The following DOCK1 variants were observed in gnomAD, a reference collection of about 807,000 sequenced individuals.
DOCK1 encodes dedicator of cytokinesis protein 1.
Under a neutral mutation model 262.7 loss-of-function variants are expected in DOCK1, and 138 were observed. The observed-to-expected ratio is 0.53, with a 90% CI of 0.46 to 0.61. DOCK1 has a LOEUF of 0.61. Among genes scored for constraint, DOCK1 ranks in the 20% least tolerant of loss-of-function variants. The pLI, the probability that DOCK1 is intolerant of heterozygous loss-of-function variation, is 0.00. For synonymous variants in DOCK1, 866 were observed against 867.4 expected (o/e 1.00, Z 0.03); for missense variants, 1,908 against 2,370.7 (o/e 0.80, Z 4.05).
rs1299449470 is a variant in DOCK1, at chr10:127,032,796, A to G, written c.1912+476A>G. 2.6e-5 allele frequency among the ~76,000 whole-genome samples: 4 copies of G among 152,152 alleles called. No individual in the cohort carries two copies. In the East Asian group the frequency reaches 7.7e-4, roughly 29 times the overall value. On this transcript the variant is annotated intron_variant, in intron 18 of 51. Transcript: ENST00000623213. Reference sequence around the variant, plus strand: ...ATTCCCAAACTCCTGGGTTCAGGCAAACCTCCCGCCTCGGTCTCCCAGAGT... The same window carrying G: ...ATTCCCAAACTCCTGGGTTCAGGCAGACCTCCCGCCTCGGTCTCCCAGAGT...
chr10:127,020,261 A>T (rs184120054), intron 13 of DOCK1, among the ~76,000 whole-genome samples: 115 of 152,332 alleles, frequency 7.5e-4, no homozygotes, highest in Admixed American at 1.7e-3. Flanking sequence ...TTTGAGATAC[A>T]GATTTATAAA....
chr10:127,146,013 C>T lies in DOCK1; in HGVS notation c.2847+18249C>T, dbSNP rs971863976. 5.8e-6 allele frequency: 3 copies of T among 517,826 alleles called. No individual in the cohort carries two copies. In the Admixed American group the frequency reaches 5.8e-5, roughly 10 times the overall value. The allele number at this position is 517,826 out of a possible 1,614,324, so 32.1% of individuals were successfully genotyped here. On this transcript the variant is annotated intron_variant, in intron 27 of 51. Coordinates refer to ENST00000623213, the MANE Select transcript of DOCK1 (RefSeq NM_001290223.2). The stretch of plus-strand genomic sequence containing the variant: ...CCGCACCCTGAATTCCCTAGTCACT[C>T]TATTCCCCATGGAATTTCATACGAC...
rs1200314675 is a variant in DOCK1, at chr10:127,075,181, A to AG, written c.2445+13405_2445+13406insG. Among the ~76,000 whole-genome samples the AG allele has an allele frequency of 6.5e-3, 970 of 149,282 alleles. 12 individuals carry two copies. Among genetic ancestry groups the AG allele is most frequent in the Non-Finnish European group, 9.6e-3 (647 of 67,266 alleles). On this transcript the variant is annotated intron_variant, in intron 23 of 51. Transcript: ENST00000623213. ...CGAAACTCTGTCTCAAAAAAAAAAA[A>AG]AAAAAAAAAAAAAAAAAAGGAGAGT...
intron 29 of DOCK1, among the ~76,000 whole-genome samples, chr10:127,258,419 T>C (rs1248814555): frequency 6.6e-6 from 1 of 152,242 alleles, no homozygotes; most frequent in African/African-American, 2.4e-5. Flanking sequence ...AGCATGGCTG[T>C]TTTCACTTTG....
intron 29 of DOCK1, among the ~76,000 whole-genome samples, chr10:127,316,196 A>C (rs1473844950): frequency 1.3e-5 from 2 of 152,128 alleles, no homozygotes; most frequent in Non-Finnish European, 2.9e-5. Flanking sequence ...TCACGTAGCA[A>C]ATTTCCAGCA....
chr10:127,109,535 G>T (rs1347488984), intron 24 of DOCK1, among the ~76,000 whole-genome samples: 1 of 152,114 alleles, frequency 6.6e-6, no homozygotes, highest in Non-Finnish European at 1.5e-5. Context: ...TCCATTTCTG[G>T]TCATTTTTCC....
At chr10:126,953,198 GGTA>G (rs1340614278) in intron 1 of DOCK1, among the ~76,000 whole-genome samples, 6 of 151,724 alleles carry the variant, frequency 4.0e-5, no homozygotes, top group South Asian at 4.2e-4. Context: ...CAGTGGAGGT[GGTA>G]GTGGTGGTAG....
At chr10:127,372,301 A>G (rs2065250476) in intron 33 of DOCK1, among the ~76,000 whole-genome samples, 1 of 152,102 alleles carries the variant, frequency 6.6e-6, no homozygotes, top group African/African-American at 2.4e-5. Flanking sequence ...ATTGCTTCTC[A>G]GGGGTCCACA....
In DOCK1 at chr10:127,179,189, G is replaced by A. The variant is rs182233211; in HGVS notation, c.2847+51425G>A. 6.3e-4 allele frequency among the ~76,000 whole-genome samples: 96 copies of A among 152,314 alleles called. 1 individual carries two copies. Among genetic ancestry groups the A allele is most frequent in the African/African-American group, 2.1e-3 (89 of 41,572 alleles). On this transcript the variant is annotated intron_variant, in intron 27 of 51. Transcript: ENST00000623213. ...ATCACCATTTGCTAGGGACTGCACTGAAATAATTTTCTTACATCAGTTGGC... is the reference window on the plus strand; with the variant it reads ...ATCACCATTTGCTAGGGACTGCACTAAAATAATTTTCTTACATCAGTTGGC...
chr10:127,292,664 A>T lies in DOCK1; in HGVS notation c.3044+35235A>T, dbSNP rs185124473. 2.9e-3 allele frequency among the ~76,000 whole-genome samples: 443 copies of T among 152,254 alleles called. 4 individuals are homozygous for T. Among genetic ancestry groups the T allele is most frequent in the Non-Finnish European group, 5.2e-3 (357 of 68,032 alleles). ...GATGCACTGTTGCTTACATCTTTGT[A>T]TGCTTTTGCATTCCTGCTGATTGAT... On this transcript the variant is annotated intron_variant, in intron 29 of 51. Transcript: ENST00000623213.
chr10:126,939,030 G>A (rs980539009), intron 1 of DOCK1, among the ~76,000 whole-genome samples: 1 of 120,100 alleles, frequency 8.3e-6, no homozygotes, highest in Non-Finnish European at 1.7e-5. Context: ...ACACCTGAAG[G>A]GATGAACACG....
rs534981845 is a variant in DOCK1, at chr10:127,229,030, C to T, written c.2848-18978C>T. 2.6e-5 allele frequency among the ~76,000 whole-genome samples: 4 copies of T among 152,128 alleles called. No homozygotes were observed. In the East Asian group the frequency reaches 5.8e-4, roughly 22 times the overall value. The stretch of plus-strand genomic sequence containing the variant: ...GGTGGATCACCTGAGGTCAGGAGTT[C>T]GTGAGCAGCCTGGCCAACATGGTGA... On this transcript the variant is annotated intron_variant, in intron 27 of 51. Transcript: ENST00000623213.
At chr10:127,046,973 C>G (rs1486027039) in intron 21 of DOCK1, among the ~76,000 whole-genome samples, 1 of 152,010 alleles carries the variant, frequency 6.6e-6, no homozygotes, top group Non-Finnish European at 1.5e-5. Context: ...TTTCATGTGG[C>G]TTTTAAAAAG....
intron 29 of DOCK1, among the ~76,000 whole-genome samples, chr10:127,271,026 T>TACACAC (rs370701091): frequency 1.3e-5 from 2 of 151,592 alleles, no homozygotes; most frequent in Non-Finnish European, 2.9e-5. Context: ...TATGTATATA[T>TACACAC]ACACACACAC....
intron 29 of DOCK1, among the ~76,000 whole-genome samples, chr10:127,307,702 G>A (rs1196815735): frequency 6.6e-6 from 1 of 152,182 alleles, no homozygotes; most frequent in Non-Finnish European, 1.5e-5. Context: ...ATAGCTGAGT[G>A]CCTGCCCCAA....
chr10:127,382,022 T>C (rs1590803794), intron 37 of DOCK1, among the ~76,000 whole-genome samples: 1 of 152,088 alleles, frequency 6.6e-6, no homozygotes, highest in Non-Finnish European at 1.5e-5. Context: ...CAGCCTCTAG[T>C]TTTATATTTC....
chr10:127,418,474 C>T lies in DOCK1; in HGVS notation c.4625C>T (p.Pro1542Leu), dbSNP rs369947359. Residue 1542 changes from proline (P) to leucine (L), a missense_variant, in exon 45 of 52, where the codon CCG (proline) becomes CTG (leucine). Around this residue, in one of 9 missense-constraint regions of DOCK1, gnomAD observed 57 missense variants for 103.1 expected, o/e 0.55. Coordinates refer to ENST00000623213, the MANE Select transcript of DOCK1 (RefSeq NM_001290223.2). ...GATGACCCCAGCCTGCCCATCAACCCGCTCTCCATGCTCCTGAACGGCATC... is the reference window on the plus strand; with the variant it reads ...GATGACCCCAGCCTGCCCATCAACCTGCTCTCCATGCTCCTGAACGGCATC... The part of the protein sequence containing the change: ...HLDDPSLPIN[P>L]LSMLLNGIVD... 1.9e-6 allele frequency: 3 copies of T among 1,614,148 alleles called. No homozygotes were observed. The highest frequency in any genetic ancestry group is 1.3e-5 in the African/African-American group (1 of 75,050).
intron 29 of DOCK1, among the ~76,000 whole-genome samples, chr10:127,337,733 C>T (rs1215115474): frequency 6.6e-6 from 1 of 152,234 alleles, no homozygotes; most frequent in Non-Finnish European, 1.5e-5. Flanking sequence ...CTGCAGTTTT[C>T]TTTAGTGACC....
chr10:127,024,626 T>G, intron 14 of DOCK1, 59 bp from the exon 15 acceptor site: 1 of 1,408,390 alleles, frequency 7.1e-7, no homozygotes, highest in Non-Finnish European at 9.8e-7. Context: ...TAGTGGGAGA[T>G]GTATATGGTG....
Sources: allele counts gnomAD v4.1 joint callset (sites outside exome capture counted in the v4.1 genomes callset), GRCh38; gene constraint gnomAD v4.1.1; regional missense constraint gnomAD v4.1.1; transcripts MANE v1.5; gene names NCBI Gene and HGNC (gene_info 2026-07-23, HGNC 2026-07-21).